ZNF385B: variants seen among roughly 807,000 people sequenced by gnomAD.
ZNF385B encodes zinc finger protein 385B.
A neutral mutation model predicts 39.2 loss-of-function variants in ZNF385B; 23 were observed. The ratio of observed to expected loss-of-function variants is 0.59; its 90% confidence interval spans 0.42 to 0.83. ZNF385B has a LOEUF of 0.83. ZNF385B is among the 40% of genes least tolerant of loss of function. ZNF385B has a pLI of 0.00. For synonymous variants in ZNF385B, 205 were observed against 222.6 expected (o/e 0.92, Z 0.70); for missense variants, 552 against 598.9 (o/e 0.92, Z 0.82).
At chr2:179,800,693 T>C (rs1383820426) in intron 1 of ZNF385B, among the ~76,000 whole-genome samples, 1 of 152,032 alleles carries the variant, frequency 6.6e-6, no homozygotes, top group Non-Finnish European at 1.5e-5. Context: ...AGTTTAGCTA[T>C]GAAACTTTTC....
intron 3 of ZNF385B, among the ~76,000 whole-genome samples, chr2:179,649,871 AATGTT>A (rs1693055074): frequency 6.6e-6 from 1 of 152,230 alleles, no homozygotes; most frequent in Admixed American, 6.5e-5. Flanking sequence ...AAAAAAAAGT[AATGTT>A]AAGTTTAATA....
chr2:179,669,541 A>G (rs1695636354), intron 3 of ZNF385B, among the ~76,000 whole-genome samples: 1 of 152,226 alleles, frequency 6.6e-6, no homozygotes, highest in South Asian at 2.1e-4. Context: ...CCTAGCCAGA[A>G]GCAGCCTCTA....
intron 3 of ZNF385B, among the ~76,000 whole-genome samples, chr2:179,727,604 A>G (rs1385817464): frequency 1.3e-5 from 2 of 152,110 alleles, no homozygotes; most frequent in African/African-American, 4.8e-5. Flanking sequence ...CTGCTTAGAT[A>G]TATTTTTCTT....
intron 5 of ZNF385B, among the ~76,000 whole-genome samples, chr2:179,493,377 G>A (rs558370262): frequency 0.045 from 2,880 of 63,948 alleles, 85 homozygotes; most frequent in African/African-American, 0.1. Flanking sequence ...GTTTGTGTGC[G>A]CGCGCACATA....
chr2:179,676,048 A>G (rs1205521764), intron 3 of ZNF385B, among the ~76,000 whole-genome samples: 1 of 151,380 alleles, frequency 6.6e-6, no homozygotes, highest in Admixed American at 6.6e-5. Flanking sequence ...TCAGCCTCCC[A>G]CAGTGCTGGG....
chr2:179,599,759 A>G (rs1255311585), intron 3 of ZNF385B, among the ~76,000 whole-genome samples: 1 of 152,214 alleles, frequency 6.6e-6, no homozygotes, highest in East Asian at 1.9e-4. Flanking sequence ...AAGAGAACCA[A>G]GCAGTCTCTT....
chr2:179,534,238 C>T (rs1462750607), intron 4 of ZNF385B, among the ~76,000 whole-genome samples: 2 of 152,058 alleles, frequency 1.3e-5, no homozygotes, highest in Non-Finnish European at 2.9e-5. Flanking sequence ...ATTAGGATTG[C>T]TGTAATGTAC....
chr2:179,744,492 A>C (rs1702263925), intron 3 of ZNF385B, among the ~76,000 whole-genome samples: 2 of 152,132 alleles, frequency 1.3e-5, no homozygotes, highest in Non-Finnish European at 2.9e-5. Flanking sequence ...AGTGGCTTCT[A>C]GCAAGATAGT....
At chr2:179,751,940 CTTT>C (rs1411043418) in intron 3 of ZNF385B, among the ~76,000 whole-genome samples, 1 of 151,744 alleles carries the variant, frequency 6.6e-6, no homozygotes, top group African/African-American at 2.4e-5. Flanking sequence ...ATTTTAGTTT[CTTT>C]TTATTATTAT....
intron 1 of ZNF385B, among the ~76,000 whole-genome samples, chr2:179,857,327 T>C (rs1331131561): frequency 6.6e-6 from 1 of 152,114 alleles, no homozygotes; most frequent in Non-Finnish European, 1.5e-5. Flanking sequence ...TGCAGTGCCC[T>C]TAGGGGAGAA....
intron 1 of ZNF385B, among the ~76,000 whole-genome samples, chr2:179,802,874 G>A (rs1706120353): frequency 6.6e-6 from 1 of 152,032 alleles, no homozygotes; most frequent in Non-Finnish European, 1.5e-5. Context: ...AGGTTTGGCA[G>A]ATAAAACTAC....
intron 3 of ZNF385B, among the ~76,000 whole-genome samples, chr2:179,555,077 G>A (rs1311622372): frequency 6.7e-6 from 1 of 149,506 alleles, no homozygotes; most frequent in Non-Finnish European, 1.5e-5. Context: ...AAACTAGCCA[G>A]TTAATCTATC....
At chr2:179,576,415 G>C (rs1370580700) in intron 3 of ZNF385B, 2 of 152,998 alleles carry the variant, frequency 1.3e-5, no homozygotes, top group Non-Finnish European at 2.9e-5. Flanking sequence ...GACAGTTGGG[G>C]TACCCATGCC....
chr2:179,805,092 T>C (rs573496027), intron 1 of ZNF385B, among the ~76,000 whole-genome samples: 1 of 152,148 alleles, frequency 6.6e-6, no homozygotes, highest in South Asian at 2.1e-4. Flanking sequence ...ATCCTGGAAC[T>C]CTCAAGCCTA....
At chr2:179,856,079 C>G (rs1027364334) in intron 1 of ZNF385B, among the ~76,000 whole-genome samples, 1 of 152,068 alleles carries the variant, frequency 6.6e-6, no homozygotes, top group Non-Finnish European at 1.5e-5. Context: ...TAAACCATCC[C>G]CTAGAAATGG....
At chr2:179,625,325 T>A (rs1466501232) in intron 3 of ZNF385B, among the ~76,000 whole-genome samples, 1 of 152,110 alleles carries the variant, frequency 6.6e-6, no homozygotes, top group Non-Finnish European at 1.5e-5. Context: ...GAGAGAGAAC[T>A]ATGAAATAAC....
At chr2:179,771,296 T>C (rs1402518442) in intron 1 of ZNF385B, among the ~76,000 whole-genome samples, 1 of 152,208 alleles carries the variant, frequency 6.6e-6, no homozygotes, top group Non-Finnish European at 1.5e-5. Flanking sequence ...TGTTTAAAAT[T>C]CGGAAAAGGT....
chr2:179,535,858 A>T (rs1193557757), intron 4 of ZNF385B, among the ~76,000 whole-genome samples: 2 of 152,246 alleles, frequency 1.3e-5, no homozygotes, highest in East Asian at 3.8e-4. Flanking sequence ...ATAAAAGTAA[A>T]GGAACCAGAA....
At chr2:179,545,068 C>A in intron 3 of ZNF385B, 99 bp from the exon 4 acceptor site, 1 of 1,482,936 alleles carries the variant, frequency 6.7e-7, no homozygotes, top group Admixed American at 1.7e-5. Flanking sequence ...CTGCAACTTG[C>A]AAGCAAGAGA....
Sources: allele counts gnomAD v4.1 joint callset (sites outside exome capture counted in the v4.1 genomes callset), GRCh38; gene constraint gnomAD v4.1.1; transcripts MANE v1.5; gene names NCBI Gene and HGNC (gene_info 2026-07-23, HGNC 2026-07-21).